The following KLHL18 variants were observed in gnomAD, a reference collection of about 807,000 sequenced individuals.
KLHL18 encodes kelch like family member 18, also known as kelch-like protein 18.
Under a neutral mutation model 58.5 loss-of-function variants are expected in KLHL18, and 38 were observed. The ratio of observed to expected loss-of-function variants is 0.65; its 90% CI spans 0.50 to 0.85. KLHL18 has a LOEUF of 0.85. Ranked by LOEUF, KLHL18 falls within the 40% of genes least tolerant of loss-of-function variation. KLHL18 has a pLI of 0.00. For missense variants in KLHL18, 624 were observed against 778.4 expected (o/e 0.80, Z 2.36); for synonymous variants, 303 against 301.9 (o/e 1.00, Z -0.04).
intron 7 of KLHL18, among the ~76,000 whole-genome samples, chr3:47,339,967 T>C (rs1034568849): frequency 1.3e-5 from 2 of 152,228 alleles, no homozygotes; most frequent in Admixed American, 6.5e-5. Context: ...GGAAGATCAA[T>C]TGAGCACAGG....
At position 47,336,665 on chromosome 3, in the gene KLHL18, A is replaced by T; in HGVS notation, c.1029A>T (p.Gly343=). 3 of 1,614,182 alleles carry T rather than the reference A, an allele frequency of 1.9e-6. No homozygotes were observed. Among genetic ancestry groups the T allele is most frequent in the Non-Finnish European group, 1.7e-6 (2 of 1,180,020 alleles). The change falls in exon 7 of 10, where the codon GGA becomes GGT. Residue 343 remains glycine (G), a synonymous_variant. Transcript: ENST00000232766. Reference sequence around the variant, plus strand: ...ACGGGCTTCTCTATGCCATCGGAGGATATGACGGCCAGCTACGGCTGAGCA... The same window carrying T: ...ACGGGCTTCTCTATGCCATCGGAGGTTATGACGGCCAGCTACGGCTGAGCA... The part of the protein sequence containing the change: ...VVNGLLYAIG[G]YDGQLRLSTV...
intron 1 of KLHL18, among the ~76,000 whole-genome samples, chr3:47,283,646 G>GCA: frequency 6.6e-6 from 1 of 152,248 alleles, no homozygotes; most frequent in South Asian, 2.1e-4. Context: ...ATACTGGAAG[G>GCA]CACCACTCAC....
At chr3:47,305,895 T>C (rs1703137153) in intron 1 of KLHL18, among the ~76,000 whole-genome samples, 1 of 152,168 alleles carries the variant, frequency 6.6e-6, no homozygotes, top group Non-Finnish European at 1.5e-5. Flanking sequence ...TTCATAGTAT[T>C]CTCCTGTTAT....
chr3:47,313,787 C>T (rs901344065), intron 1 of KLHL18, among the ~76,000 whole-genome samples: 9 of 152,118 alleles, frequency 5.9e-5, no homozygotes, highest in African/African-American at 2.2e-4. Flanking sequence ...GGTCCCTCTC[C>T]AATTCCACCA....
chr3:47,338,961 T>C (rs1704046246), intron 7 of KLHL18: 1 of 152,218 alleles, frequency 6.6e-6, no homozygotes, highest in African/African-American at 2.4e-5. Flanking sequence ...CTGAATTCCT[T>C]ATAAGGCGTT....
intron 1 of KLHL18, among the ~76,000 whole-genome samples, chr3:47,318,103 A>C (rs1340357631): frequency 2.0e-5 from 3 of 152,254 alleles, no homozygotes; most frequent in Middle Eastern, 6.8e-3. Context: ...ACCCTCAAGC[A>C]ATCCACCTTC....
intron 1 of KLHL18, among the ~76,000 whole-genome samples, chr3:47,284,609 T>G (rs1702626703): frequency 6.6e-6 from 1 of 152,118 alleles, no homozygotes; most frequent in South Asian, 2.1e-4. Flanking sequence ...AGTGCTAGAA[T>G]TACACGCGTG....
chr3:47,311,131 T>A (rs2107612662), intron 1 of KLHL18, among the ~76,000 whole-genome samples: 1 of 152,180 alleles, frequency 6.6e-6, no homozygotes, highest in Middle Eastern at 3.4e-3. Context: ...TGCCTCAGCC[T>A]CCTGAGTAGC....
At chr3:47,294,428 C>T (rs1702854493) in intron 1 of KLHL18, among the ~76,000 whole-genome samples, 1 of 152,082 alleles carries the variant, frequency 6.6e-6, no homozygotes, top group Admixed American at 6.6e-5. Context: ...TGACCAGTGC[C>T]ATGAAGAAAA....
chr3:47,329,869 C>G, intron 3 of KLHL18, 82 bp from the exon 4 acceptor site: 1 of 1,202,450 alleles, frequency 8.3e-7, no homozygotes, highest in South Asian at 1.3e-5. Context: ...CATTCTGTGG[C>G]TCTACCCAGA....
chr3:47,290,528 C>T (rs2107577388), intron 1 of KLHL18, among the ~76,000 whole-genome samples: 1 of 151,916 alleles, frequency 6.6e-6, no homozygotes, highest in Middle Eastern at 3.4e-3. Context: ...AGTGGTGGAT[C>T]ACAGCCCACT....
At chr3:47,331,973 G>A (rs1465379251) in intron 4 of KLHL18, among the ~76,000 whole-genome samples, 4 of 152,282 alleles carry the variant, frequency 2.6e-5, no homozygotes, top group South Asian at 2.1e-4. Context: ...GCCCAGGGAC[G>A]GGGGACAGGT....
At chr3:47,296,095 G>A (rs1298619770) in intron 1 of KLHL18, among the ~76,000 whole-genome samples, 1 of 152,186 alleles carries the variant, frequency 6.6e-6, no homozygotes, top group African/African-American at 2.4e-5. Flanking sequence ...TGTTCGAAGT[G>A]CAGAATTTCA....
rs1310361847 is a variant in KLHL18, at chr3:47,343,771, C to G, written c.1555C>G (p.Leu519Val). Residue 519 changes from leucine to valine, a missense_variant, in exon 10 of 10, where the codon CTG (leucine) becomes GTG (valine). Leu to Val is a conservative substitution (Grantham distance 32). Coordinates refer to ENST00000232766, the MANE Select transcript of KLHL18 (RefSeq NM_025010.5). ...GCACACGCGCAGGAGCCGGGTCTCC[C>G]TGGTGGCCAGCTGTGGGCGCCTCTA... ...PMHTRRSRVSLVASCGRLYAV... is the reference protein window; with the variant it reads ...PMHTRRSRVSVVASCGRLYAV... 6.2e-7 allele frequency: 1 copy of G among 1,614,134 alleles called. No homozygotes were observed. The highest frequency in any genetic ancestry group is 1.3e-5 in the African/African-American group (1 of 74,954).
At chr3:47,302,359 C>T (rs1703046016) in intron 1 of KLHL18, among the ~76,000 whole-genome samples, 2 of 152,088 alleles carry the variant, frequency 1.3e-5, no homozygotes, top group African/African-American at 4.8e-5. Flanking sequence ...GTGGCGTGCA[C>T]CTGTAGTCCC....
intron 1 of KLHL18, among the ~76,000 whole-genome samples, chr3:47,301,664 AC>A (rs1226992352): frequency 1.3e-5 from 2 of 152,048 alleles, no homozygotes; most frequent in East Asian, 3.8e-4. Flanking sequence ...TGGAATGTTG[AC>A]CCCCTGCCCC....
chr3:47,320,396 G>A (rs1389514504), intron 2 of KLHL18, among the ~76,000 whole-genome samples: 1 of 152,148 alleles, frequency 6.6e-6, no homozygotes, highest in Non-Finnish European at 1.5e-5. Context: ...GACAACACAG[G>A]TTTAGAAGGT....
chr3:47,284,325 CTTTTCTT>C (rs1289631050), intron 1 of KLHL18, among the ~76,000 whole-genome samples: 2 of 145,638 alleles, frequency 1.4e-5, no homozygotes, highest in Admixed American at 7.2e-5. Context: ...TTTTGCTCTT[CTTTTCTT>C]TTTTCTTTTT....
intron 1 of KLHL18, among the ~76,000 whole-genome samples, chr3:47,296,191 A>G (rs754096968): frequency 1.9e-4 from 29 of 152,128 alleles, no homozygotes; most frequent in African/African-American, 6.8e-4. Context: ...GCCGCCACAC[A>G]TTGGTCCTAC....
Sources: gnomAD v4.1 joint callset for allele counts (sites outside exome capture counted in the v4.1 genomes callset) on GRCh38, gnomAD v4.1.1 for gene constraint, MANE v1.5 for transcripts, NCBI Gene and HGNC (gene_info 2026-07-23, HGNC 2026-07-21) for gene names.